MMUT: variants seen among roughly 807,000 people sequenced by gnomAD.
MMUT encodes methylmalonyl-CoA mutase, mitochondrial.
A neutral mutation model predicts 79.9 loss-of-function variants in MMUT; 79 were observed. That is an observed-to-expected ratio of 0.99 (90% CI 0.82 to 1.19). The LOEUF (loss-of-function observed/expected upper bound fraction) is 1.19. MMUT is among the 50% of genes most tolerant of loss of function. The probability of loss-of-function intolerance (pLI) is 0.00; values close to 1 mark genes in which losing one functional copy is unlikely to be tolerated. For missense variants in MMUT, 860 were observed against 917.2 expected, an observed-to-expected ratio of 0.94 and a Z score of 0.81; for synonymous variants, 273 against 295.7, an observed-to-expected ratio of 0.92 and a Z score of 0.79.
At chr6:49,438,642 C>A (rs1767194909) in intron 11 of MMUT, among the ~76,000 whole-genome samples, 1 of 152,008 alleles carries the variant, frequency 6.6e-6, no homozygotes, top group African/African-American at 2.4e-5. Context: ...TCCATGTCAA[C>A]TTGGTTGAAG....
In MMUT at chr6:49,447,654, AG is replaced by A. The variant is rs1304306134; in HGVS notation, c.1560+15del. ...GAAAATACTTAAAAAAAAAAAAAAAAGCAAGCTATTAATACCTTCTTAAGTT... is the reference window on the plus strand; with the variant it reads ...GAAAATACTTAAAAAAAAAAAAAAAACAAGCTATTAATACCTTCTTAAGTT... On this transcript the variant is annotated intron_variant, in intron 8 of 12. Coordinates refer to ENST00000274813, the MANE Select transcript of MMUT (RefSeq NM_000255.4). 114 of 1,459,730 alleles carry A rather than the reference AG, an allele frequency of 7.8e-5. No individual in the cohort carries two copies. The highest frequency in any genetic ancestry group is 9.7e-5 in the Non-Finnish European group (101 of 1,043,950). The allele number at this position is 1,459,730 out of a possible 1,614,324, so 90.4% of individuals were successfully genotyped here.
At chr6:49,461,946 AAG>A (rs1318372957) in intron 1 of MMUT, among the ~76,000 whole-genome samples, 1 of 152,178 alleles carries the variant, frequency 6.6e-6, no homozygotes, top group African/African-American at 2.4e-5. Flanking sequence ...AATCCTGTAA[AAG>A]GTAATTTGAA....
chr6:49,459,253 AG>A lies in MMUT; in HGVS notation c.213del (p.Leu72CysfsTer17). On this transcript the variant is annotated frameshift_variant, in exon 2 of 13. Coordinates refer to ENST00000274813, the MANE Select transcript of MMUT (RefSeq NM_000255.4). LOFTEE classifies it high-confidence loss of function. ...TCCATAGTATCTCTCTTGGAATACA[AG>A]GGTTTTATAGAGATCCCTTCCGGGG... ...WHTPEGISIK[P>X]LYSKRDTMDL... 6.2e-7 allele frequency: 1 copy of A among 1,614,156 alleles called. No homozygotes were observed. Among genetic ancestry groups the A allele is most frequent in the South Asian group, 1.1e-5 (1 of 91,080 alleles).
intron 8 of MMUT, 98 bp from the exon 9 acceptor site, chr6:49,444,852 TC>T: frequency 1.2e-6 from 1 of 844,366 alleles, no homozygotes; most frequent in Non-Finnish European, 1.9e-6. Context: ...GGCATTTTTT[TC>T]CATAATCCTA....
At chr6:49,453,539 T>C in intron 5 of MMUT, 46 bp downstream of exon 5, 1 of 1,074,816 alleles carries the variant, frequency 9.3e-7, no homozygotes, top group Non-Finnish European at 1.3e-6. Flanking sequence ...AAAAAATATA[T>C]ATATATAACT....
chr6:49,439,121 G>A (rs1042376549), intron 11 of MMUT, among the ~76,000 whole-genome samples: 5 of 152,056 alleles, frequency 3.3e-5, no homozygotes, highest in Non-Finnish European at 5.9e-5. Flanking sequence ...TGCTCAAGCT[G>A]GACCACATAT....
intron 8 of MMUT, among the ~76,000 whole-genome samples, chr6:49,446,021 A>T (rs1767403357): frequency 6.6e-6 from 1 of 152,042 alleles, no homozygotes; most frequent in South Asian, 2.1e-4. Context: ...AGATAAGGTG[A>T]CATTTGAGCA....
At chr6:49,435,138 T>C (rs1190045775) in intron 12 of MMUT, among the ~76,000 whole-genome samples, 1 of 152,222 alleles carries the variant, frequency 6.6e-6, no homozygotes, top group Non-Finnish European at 1.5e-5. Context: ...ATGAGTTTTA[T>C]TACTTTTATC....
chr6:49,435,065 T>A (rs1269212192), intron 12 of MMUT, among the ~76,000 whole-genome samples: 1 of 152,156 alleles, frequency 6.6e-6, no homozygotes, highest in Non-Finnish European at 1.5e-5. Context: ...GTACTCACTA[T>A]ATCTCTGGCT....
chr6:49,449,655 C>G (rs1052003818), intron 6 of MMUT, among the ~76,000 whole-genome samples: 2 of 151,874 alleles, frequency 1.3e-5, no homozygotes, highest in Non-Finnish European at 1.5e-5. Flanking sequence ...GAAATAAAAG[C>G]CTGTACTCTG....
Position 49,444,726 on chromosome 6 carries a change from GCCAAAGCTTGATCC to G in MMUT, c.1575_1588del (p.Arg525SerfsTer2). 6.2e-7 allele frequency: 1 copy of G among 1,613,284 alleles called. No homozygotes were observed. Among genetic ancestry groups the G allele is most frequent in the Non-Finnish European group, 8.5e-7 (1 of 1,179,404 alleles). The stretch of plus-strand genomic sequence containing the variant: ...GGTTAGTGCAGCAAGACAACGTTCA[GCCAAAGCTTGATCC>G]CTGCTGGATTTGATCTATGGAAAAA... On this transcript the variant is annotated frameshift_variant, in exon 9 of 13. Coordinates refer to ENST00000274813, the MANE Select transcript of MMUT (RefSeq NM_000255.4). LOFTEE classifies it high-confidence loss of function.
In MMUT at chr6:49,448,900, C is replaced by T. The variant is rs794727842; in HGVS notation, c.1360G>A (p.Gly454Arg). 6.2e-7 allele frequency: 1 copy of T among 1,613,106 alleles called. No homozygotes were observed. Among genetic ancestry groups the T allele is most frequent in the Non-Finnish European group, 8.5e-7 (1 of 1,179,332 alleles). ...KLINEIEEMG[G>R]MAKAVAEGIP... ...CCCTCAGCTACAGCTTTGGCCATTC[C>T]ACCCATTTCTTCAATTTCATTAATG... Residue 454 changes from glycine (G) to arginine (R), a missense_variant, in exon 7 of 13, where the codon GGA (glycine) becomes AGA (arginine). Coordinates refer to ENST00000274813, the MANE Select transcript of MMUT (RefSeq NM_000255.4).
At chr6:49,453,784 T>C (rs1481816775) in intron 4 of MMUT, 28 bp from the exon 5 acceptor site, 1 of 1,564,238 alleles carries the variant, frequency 6.4e-7, no homozygotes, top group Non-Finnish European at 8.8e-7. Flanking sequence ...GGTCCAGAAT[T>C]TAATTAAAGT....
At position 49,435,540 on chromosome 6, in the gene MMUT, G is replaced by GACCATAAAACCCTA; in HGVS notation, c.2039_2040insTAGGGTTTTATGGT (p.Leu681ArgfsTer6). The GACCATAAAACCCTA allele has an allele frequency of 6.2e-7, 1 of 1,614,098 alleles. No individual in the cohort carries two copies. The highest frequency in any genetic ancestry group is 8.5e-7 in the Non-Finnish European group (1 of 1,180,012). ...GTTCTTTGATGAGTTCAGGAACTAGGGTTTTATGACCAGCAGCGAGGGTGC... is the reference window on the plus strand; with the variant it reads ...GTTCTTTGATGAGTTCAGGAACTAGGACCATAAAACCCTAGTTTTATGACCAGCAGCGAGGGTGC... On this transcript the variant is annotated frameshift_variant, in exon 12 of 13. Transcript: ENST00000274813. LOFTEE classifies it high-confidence loss of function.
At chr6:49,447,384 G>T (rs747130415) in intron 8 of MMUT, among the ~76,000 whole-genome samples, 14 of 151,722 alleles carry the variant, frequency 9.2e-5, no homozygotes, top group Non-Finnish European at 2.1e-4. Flanking sequence ...TATTATTATT[G>T]TAGTGTGGTT....
At chr6:49,456,834 T>C (rs1767702643) in intron 3 of MMUT, among the ~76,000 whole-genome samples, 1 of 152,200 alleles carries the variant, frequency 6.6e-6, no homozygotes, top group Non-Finnish European at 1.5e-5. Flanking sequence ...TGACATTTAA[T>C]ACTAAGCATA....
At chr6:49,449,547 A>G (rs571711103) in intron 6 of MMUT, among the ~76,000 whole-genome samples, 1 of 152,304 alleles carries the variant, frequency 6.6e-6, no homozygotes, top group Non-Finnish European at 1.5e-5. Context: ...TCATTCTGTC[A>G]GGAGAACCAA....
chr6:49,440,450 T>C, intron 10 of MMUT, 97 bp from the exon 11 acceptor site: 1 of 1,295,234 alleles, frequency 7.7e-7, no homozygotes. Context: ...TTCAAGTTTA[T>C]TTAAAAGCAC....
At chr6:49,451,835 C>T in intron 5 of MMUT, 121 bp from the exon 6 acceptor site, 4 of 1,120,404 alleles carry the variant, frequency 3.6e-6, no homozygotes, top group Non-Finnish European at 5.1e-6. Context: ...CCATATTAAG[C>T]TTCAGAATAG....
Sources: gnomAD v4.1 joint callset for allele counts (sites outside exome capture counted in the v4.1 genomes callset) on GRCh38, gnomAD v4.1.1 for gene constraint, MANE v1.5 for transcripts, NCBI Gene and HGNC (gene_info 2026-07-23, HGNC 2026-07-21) for gene names.